NXPH2: variants seen among roughly 807,000 people sequenced by gnomAD.
The protein encoded by NXPH2 is neurexophilin-2.
NXPH2 carries 5 observed loss-of-function variants against 19.8 expected under a neutral mutation model. The ratio of observed to expected loss-of-function variants is 0.25; its 90% CI spans 0.13 to 0.53. The LOEUF (loss-of-function observed/expected upper bound fraction) is 0.53. NXPH2 is among the 20% of genes least tolerant of loss of function. The probability of loss-of-function intolerance (pLI) is 0.96; values close to 1 mark genes in which losing one functional copy is unlikely to be tolerated. For synonymous variants in NXPH2, 154 were observed against 127.4 expected (o/e 1.21, Z -1.41); for missense variants, 289 against 322.8 (o/e 0.90, Z 0.80).
chr2:138,738,598 C>T (rs186611967), intron 1 of NXPH2, among the ~76,000 whole-genome samples: 81 of 152,254 alleles, frequency 5.3e-4, no homozygotes, highest in Middle Eastern at 3.4e-3. Flanking sequence ...CTTCAATGCT[C>T]ATTATAGAAG....
chr2:138,726,447 A>C (rs1173948386), intron 1 of NXPH2, among the ~76,000 whole-genome samples: 1 of 151,998 alleles, frequency 6.6e-6, no homozygotes, highest in African/African-American at 2.4e-5. Flanking sequence ...GATTTCTAGA[A>C]ATTAAAAATA....
chr2:138,677,244 T>TATA (rs1228174399), intron 1 of NXPH2, among the ~76,000 whole-genome samples: 5 of 152,200 alleles, frequency 3.3e-5, no homozygotes, highest in African/African-American at 1.2e-4. Flanking sequence ...CCCATCATAT[T>TATA]ATAATAATAA....
intron 1 of NXPH2, among the ~76,000 whole-genome samples, chr2:138,685,861 A>G (rs1208389621): frequency 1.3e-5 from 2 of 152,190 alleles, no homozygotes; most frequent in Non-Finnish European, 2.9e-5. Flanking sequence ...CCATCAAAGT[A>G]TAGGTCACCA....
At chr2:138,751,717 A>G (rs1198230016) in intron 1 of NXPH2, among the ~76,000 whole-genome samples, 2 of 152,276 alleles carry the variant, frequency 1.3e-5, no homozygotes, top group Non-Finnish European at 2.9e-5. Flanking sequence ...GATGAATTAT[A>G]ATAAGTGTAT....
rs1231520638 is a variant in NXPH2 at position 138,678,330 on chromosome 2, T to C, written c.52-6665A>G. 1.3e-4 allele frequency among the ~76,000 whole-genome samples: 20 copies of C among 152,330 alleles called. No individual in the cohort carries two copies. The East Asian group carries it at 3.9e-3, about 29-fold the overall frequency. On this transcript the variant is annotated intron_variant, in intron 1 of 1. Transcript: ENST00000272641. The stretch of plus-strand genomic sequence containing the variant: ...GGGTAAATGTTAAGCAACTTGTCAC[T>C]GTGACGTGCCACTGTAATGTTAATC...
In NXPH2 at chr2:138,715,951, G is replaced by A. The variant is rs146712348; in HGVS notation, c.52-44286C>T. Among the ~76,000 whole-genome samples, 3 of 152,204 alleles carry A rather than the reference G, an allele frequency of 2.0e-5. No homozygotes were observed. The East Asian group carries it at 5.8e-4, about 29-fold the overall frequency. ...TGGGGTGAGGGCTAGGGAAATAGCTGGACCAACTATTCTAAAGTTAATTCT... is the reference window on the plus strand; with the variant it reads ...TGGGGTGAGGGCTAGGGAAATAGCTAGACCAACTATTCTAAAGTTAATTCT... On this transcript the variant is annotated intron_variant, in intron 1 of 1. Coordinates refer to ENST00000272641, the MANE Select transcript of NXPH2 (RefSeq NM_007226.3).
chr2:138,712,866 A>T (rs886608138), intron 1 of NXPH2, among the ~76,000 whole-genome samples: 20 of 152,322 alleles, frequency 1.3e-4, no homozygotes, highest in Admixed American at 2.6e-4. Context: ...AGCACACAGC[A>T]GGTGTTCAGC....
At chr2:138,730,257 C>T (rs911969435) in intron 1 of NXPH2, among the ~76,000 whole-genome samples, 3 of 151,736 alleles carry the variant, frequency 2.0e-5, no homozygotes, top group Non-Finnish European at 4.4e-5. Context: ...TGCAGTGGTG[C>T]AATCATAGCT....
intron 1 of NXPH2, among the ~76,000 whole-genome samples, chr2:138,691,385 T>C (rs542835011): frequency 5.3e-5 from 8 of 152,296 alleles, no homozygotes; most frequent in African/African-American, 1.7e-4. Context: ...AAATGACTGA[T>C]GACCACTACA....
At chr2:138,698,793 G>T (rs537312940) in intron 1 of NXPH2, among the ~76,000 whole-genome samples, 1 of 152,154 alleles carries the variant, frequency 6.6e-6, no homozygotes, top group East Asian at 1.9e-4. Flanking sequence ...ATTAGAGGGG[G>T]CAGTAAGCTA....
At chr2:138,747,766 A>G (rs750594095) in intron 1 of NXPH2, among the ~76,000 whole-genome samples, 1 of 152,200 alleles carries the variant, frequency 6.6e-6, no homozygotes, top group African/African-American at 2.4e-5. Flanking sequence ...GAAGTCCACT[A>G]GCCTGACCAC....
intron 1 of NXPH2, among the ~76,000 whole-genome samples, chr2:138,672,948 A>C (rs188849545): frequency 6.6e-6 from 1 of 152,210 alleles, no homozygotes; most frequent in Non-Finnish European, 1.5e-5. Flanking sequence ...AGAAGCTTAA[A>C]TCCTAACAGG....
At chr2:138,772,795 C>T (rs1404958714) in intron 1 of NXPH2, among the ~76,000 whole-genome samples, 2 of 152,132 alleles carry the variant, frequency 1.3e-5, no homozygotes, top group African/African-American at 4.8e-5. Context: ...TGATGAGTAC[C>T]TAGAAAGACA....
intron 1 of NXPH2, among the ~76,000 whole-genome samples, chr2:138,765,680 G>T (rs1189027662): frequency 6.6e-6 from 1 of 152,174 alleles, no homozygotes; most frequent in Non-Finnish European, 1.5e-5. Context: ...ATAGCTGTAA[G>T]CTGTTTTTTA....
chr2:138,779,393 G>T (rs1287232530), intron 1 of NXPH2, among the ~76,000 whole-genome samples: 1 of 152,186 alleles, frequency 6.6e-6, no homozygotes, highest in Non-Finnish European at 1.5e-5. Context: ...CGTATATCAG[G>T]AGGAGGAGAG....
intron 1 of NXPH2, among the ~76,000 whole-genome samples, chr2:138,738,181 T>C (rs1286462509): frequency 6.6e-6 from 1 of 151,924 alleles, no homozygotes; most frequent in African/African-American, 2.4e-5. Flanking sequence ...AGAAACAGTC[T>C]AGTGTAAAGG....
At chr2:138,766,998 T>C (rs976252398) in intron 1 of NXPH2, among the ~76,000 whole-genome samples, 3 of 152,202 alleles carry the variant, frequency 2.0e-5, no homozygotes, top group Non-Finnish European at 4.4e-5. Context: ...AGATGGCTTC[T>C]ATTAACTTCT....
chr2:138,676,868 C>T (rs535277403), intron 1 of NXPH2, among the ~76,000 whole-genome samples: 1 of 152,352 alleles, frequency 6.6e-6, no homozygotes, highest in Non-Finnish European at 1.5e-5. Context: ...AACCCCAGAA[C>T]ATCAATCAAA....
intron 1 of NXPH2, among the ~76,000 whole-genome samples, chr2:138,678,431 T>C (rs2104967466): frequency 6.6e-6 from 1 of 152,342 alleles, no homozygotes; most frequent in Non-Finnish European, 1.5e-5. Context: ...TTGCAGACTG[T>C]TGTTATTATA....
Sources: allele counts gnomAD v4.1 joint callset (sites outside exome capture counted in the v4.1 genomes callset), GRCh38; gene constraint gnomAD v4.1.1; transcripts MANE v1.5; gene names NCBI Gene and HGNC (gene_info 2026-07-23, HGNC 2026-07-21).